The following FSHR variants were observed in gnomAD, a reference collection of about 807,000 sequenced individuals.
FSHR encodes follicle-stimulating hormone receptor.
Under a neutral mutation model 52.1 loss-of-function variants are expected in FSHR, and 46 were observed. The observed-to-expected ratio is 0.88, with a 90% CI of 0.70 to 1.13. The LOEUF (loss-of-function observed/expected upper bound fraction) is 1.13. FSHR is among the 50% of genes most tolerant of loss of function. The pLI is 0.00. For synonymous variants in FSHR, 399 were observed against 309.6 expected (o/e 1.29, Z -3.03); for missense variants, 964 against 834.6 (o/e 1.16, Z -1.91).
intron 4 of FSHR, among the ~76,000 whole-genome samples, chr2:49,013,497 T>A (rs1009630260): frequency 3.0e-4 from 20 of 66,578 alleles, no homozygotes; most frequent in East Asian, 4.8e-4. Context: ...TATATATATA[T>A]ATAAATATAT....
intron 4 of FSHR, among the ~76,000 whole-genome samples, chr2:48,994,749 A>C (rs1047840598): frequency 2.0e-5 from 3 of 152,152 alleles, no homozygotes; most frequent in Non-Finnish European, 4.4e-5. Context: ...GTTTATCTTC[A>C]AAAAACAGTT....
intron 6 of FSHR, among the ~76,000 whole-genome samples, chr2:48,987,108 C>T (rs1158099834): frequency 6.6e-6 from 1 of 152,112 alleles, no homozygotes; most frequent in African/African-American, 2.4e-5. Flanking sequence ...AATCCTTTTA[C>T]TGTTGTGTTT....
At chr2:49,108,320 A>T (rs1040185569) in intron 1 of FSHR, among the ~76,000 whole-genome samples, 2 of 152,096 alleles carry the variant, frequency 1.3e-5, no homozygotes, top group South Asian at 4.1e-4. Context: ...AGCCTCCATG[A>T]TCATGTGAGC....
rs367983760 is a variant in FSHR, at chr2:49,112,851, A to G, written c.152+41415T>C. Among the ~76,000 whole-genome samples the G allele has an allele frequency of 2.0e-5, 3 of 152,288 alleles. No homozygotes were observed. The East Asian group carries it at 5.8e-4, about 29-fold the overall frequency. ...ATGAGCTGGCCATGCTGCGTATTTG[A>G]AAGTTACATTAGTGCAAAATGGGCC... On this transcript the variant is annotated intron_variant, in intron 1 of 9. Coordinates refer to ENST00000406846, the MANE Select transcript of FSHR (RefSeq NM_000145.4).
At chr2:49,081,202 C>T (rs949486470) in intron 1 of FSHR, among the ~76,000 whole-genome samples, 6 of 152,016 alleles carry the variant, frequency 3.9e-5, no homozygotes, top group Non-Finnish European at 7.4e-5. Context: ...CACCATTAAA[C>T]AGGAATAGTA....
intron 1 of FSHR, among the ~76,000 whole-genome samples, chr2:49,099,411 A>T (rs1048980765): frequency 6.6e-6 from 1 of 152,024 alleles, no homozygotes; most frequent in Non-Finnish European, 1.5e-5. Context: ...GCCATGTGGA[A>T]CTGTAAGTCC....
chr2:49,089,310 C>T (rs1027656340), intron 1 of FSHR, among the ~76,000 whole-genome samples: 1 of 151,840 alleles, frequency 6.6e-6, no homozygotes, highest in Non-Finnish European at 1.5e-5. Context: ...AAATATGAAC[C>T]AGAGATTTTT....
At chr2:49,153,856 G>T (rs573208460) in intron 1 of FSHR, among the ~76,000 whole-genome samples, 1 of 151,956 alleles carries the variant, frequency 6.6e-6, no homozygotes, top group African/African-American at 2.4e-5. Context: ...CAGTGTCCTC[G>T]GGAGACATAC....
At chr2:49,048,045 T>C (rs1308891000) in intron 2 of FSHR, among the ~76,000 whole-genome samples, 1 of 152,010 alleles carries the variant, frequency 6.6e-6, no homozygotes, top group Non-Finnish European at 1.5e-5. Context: ...TACCCAGCTA[T>C]TTTATTTTTT....
chr2:49,097,654 C>T (rs924372158), intron 1 of FSHR, among the ~76,000 whole-genome samples: 3 of 152,020 alleles, frequency 2.0e-5, no homozygotes, highest in Non-Finnish European at 2.9e-5. Context: ...AATAGAATAA[C>T]GTTAGGACAG....
Position 49,091,785 on chromosome 2 carries a change from T to C in FSHR, c.153-23495A>G, listed in dbSNP as rs72879838. Among the ~76,000 whole-genome samples the C allele has an allele frequency of 7.5e-4, 115 of 152,346 alleles. 1 individual carries two copies. The highest frequency in any genetic ancestry group is 2.7e-3 in the African/African-American group (113 of 41,590). On this transcript the variant is annotated intron_variant, in intron 1 of 9. Coordinates refer to ENST00000406846, the MANE Select transcript of FSHR (RefSeq NM_000145.4). ...TGTTTTCTTGATTATTGCAGTTTTA[T>C]AGTAAGTCTTTAAATTGGTTAACAT...
chr2:49,146,203 G>A (rs1277972952), intron 1 of FSHR, among the ~76,000 whole-genome samples: 1 of 152,030 alleles, frequency 6.6e-6, no homozygotes, highest in East Asian at 1.9e-4. Context: ...GAGAAGACGA[G>A]GAACCACAAG....
chr2:49,038,665 T>A (rs1392665824), intron 2 of FSHR, among the ~76,000 whole-genome samples: 5 of 146,214 alleles, frequency 3.4e-5, no homozygotes, highest in Admixed American at 1.4e-4. Context: ...ATAATAATAA[T>A]AATAATACTG....
intron 2 of FSHR, among the ~76,000 whole-genome samples, chr2:49,022,411 T>TG (rs982641205): frequency 5.9e-5 from 9 of 152,038 alleles, no homozygotes; most frequent in Non-Finnish European, 1.0e-4. Flanking sequence ...AGACGAGGGT[T>TG]GGGGGCAGGT....
chr2:49,117,972 C>T (rs1268494469), intron 1 of FSHR, among the ~76,000 whole-genome samples: 1 of 152,180 alleles, frequency 6.6e-6, no homozygotes, highest in African/African-American at 2.4e-5. Flanking sequence ...AGTTTAATCA[C>T]TTAGCAAATA....
chr2:49,061,391 A>G (rs570446885), intron 2 of FSHR, among the ~76,000 whole-genome samples: 12 of 151,838 alleles, frequency 7.9e-5, no homozygotes, highest in African/African-American at 2.9e-4. Context: ...ATCAAAACTG[A>G]CCAGGAGTAG....
chr2:49,021,863 C>CTATATATATATATATATATA (rs1224896244), intron 2 of FSHR, among the ~76,000 whole-genome samples: 1 of 49,862 alleles, frequency 2.0e-5, no homozygotes, highest in South Asian at 1.0e-3. Context: ...CTCTCTCTCT[C>CTATATATATATATATATATA]TATATATATA....
rs1674262906 is a variant in FSHR at position 48,962,401 on chromosome 2, T to C, written c.*332A>G. 2.1e-5 allele frequency: 6 copies of C among 292,442 alleles called. No individual in the cohort carries two copies. In the South Asian group the frequency reaches 2.2e-4, roughly 11 times the overall value. 18.1% of individuals were successfully genotyped at this position (292,442 alleles called of 1,614,324 possible). A position where few individuals can be genotyped will look rare whatever the true frequency, so the allele number is the denominator to read the frequency against. On this transcript the variant is annotated 3_prime_UTR_variant, in exon 10 of 10. Coordinates refer to ENST00000406846, the MANE Select transcript of FSHR (RefSeq NM_000145.4). ...GTCGTGGTTTCCTCATTTGTAAAAC[T>C]CCAAGAATAATCCCTGTCCTGCTTA... is the stretch of plus-strand genomic sequence containing the variant.
At chr2:49,152,517 T>C (rs1017303447) in intron 1 of FSHR, among the ~76,000 whole-genome samples, 6 of 152,136 alleles carry the variant, frequency 3.9e-5, no homozygotes, top group Non-Finnish European at 7.4e-5. Context: ...TCTTTTTCCC[T>C]TTTTCCCTCC....
Sources: gnomAD v4.1 joint callset for allele counts (sites outside exome capture counted in the v4.1 genomes callset) on GRCh38, gnomAD v4.1.1 for gene constraint, MANE v1.5 for transcripts, NCBI Gene and HGNC (gene_info 2026-07-23, HGNC 2026-07-21) for gene names.